The following DNAAF10 variants were observed in gnomAD, a reference collection of about 807,000 sequenced individuals.
The protein encoded by DNAAF10 is WD repeat domain 92.
DNAAF10 carries 28 observed loss-of-function variants against 43.7 expected under a neutral mutation model. The ratio of observed to expected loss-of-function variants is 0.64; its 90% CI spans 0.48 to 0.88. DNAAF10 has a LOEUF of 0.88. Among genes scored for constraint, DNAAF10 ranks in the 40% least tolerant of loss-of-function variants. The pLI is 0.00. For missense variants in DNAAF10, 403 were observed against 439.1 expected (o/e 0.92, Z 0.73); for synonymous variants, 156 against 157.3 (o/e 0.99, Z 0.06).
chr2:68,153,564 A>G (rs1023824435), intron 1 of DNAAF10, among the ~76,000 whole-genome samples: 1 of 152,032 alleles, frequency 6.6e-6, no homozygotes, highest in Non-Finnish European at 1.5e-5. Flanking sequence ...AAGTTGTACT[A>G]CTGTGTCAGA....
At chr2:68,134,466 C>T in intron 7 of DNAAF10, 1 of 1,291,250 alleles carries the variant, frequency 7.7e-7, no homozygotes, top group Non-Finnish European at 9.8e-7. Context: ...ACTTAGAAGA[C>T]ACAACTAAAA....
rs79872966 is a variant in DNAAF10, at chr2:68,137,179, A to C, written c.768+120T>G. 471 of 1,150,110 alleles carry C rather than the reference A, an allele frequency of 4.1e-4. 3 individuals are homozygous for C. In the East Asian group the frequency reaches 9.8e-3, roughly 24 times the overall value. The allele number at this position is 1,150,110 out of a possible 1,614,324, so 71.2% of individuals were successfully genotyped here. On this transcript the variant is annotated intron_variant, in intron 6 of 7. Transcript: ENST00000295121. ...AAACTTGTCAAGATCTCACAGGAAT[A>C]TATCAAAAATAGCTCCCTTCACATA...
intron 6 of DNAAF10, 123 bp downstream of exon 6, chr2:68,137,176 A>T: frequency 8.8e-7 from 1 of 1,133,080 alleles, no homozygotes. Context: ...ATCTCACAGG[A>T]ATATATCAAA....
At chr2:68,133,123 TAGA>T (rs757380827) in intron 7 of DNAAF10, among the ~76,000 whole-genome samples, 1 of 152,186 alleles carries the variant, frequency 6.6e-6, no homozygotes, top group African/African-American at 2.4e-5. Flanking sequence ...GCAGAGGTGC[TAGA>T]AGAAGGGAAA....
chr2:68,138,853 A>T lies in DNAAF10; in HGVS notation c.522T>A (p.Asn174Lys). 6.2e-7 allele frequency: 1 copy of T among 1,609,204 alleles called. No individual in the cohort carries two copies. The highest frequency in any genetic ancestry group is 8.5e-7 in the Non-Finnish European group (1 of 1,175,694). The change falls in exon 5 of 8, where the codon AAT (asparagine) becomes AAA (lysine). Residue 174 changes from asparagine to lysine, a missense_variant. By Grantham distance (94) the Asn-to-Lys change is moderately conservative. Coordinates refer to ENST00000295121, the MANE Select transcript of DNAAF10 (RefSeq NM_138458.4). ...KRDCWTVAFGNAYNQEERVVC... is the reference protein window; with the variant it reads ...KRDCWTVAFGKAYNQEERVVC... ...CAACACGTTCTTCTTGATTATAAGC[A>T]TTGCCTGGAAATCAAGATACAACAT...
intron 4 of DNAAF10, among the ~76,000 whole-genome samples, chr2:68,139,363 AC>A (rs1173514628): frequency 6.6e-6 from 1 of 152,252 alleles, no homozygotes; most frequent in African/African-American, 2.4e-5. Context: ...AGGAGCAGAT[AC>A]TGGCACCATG....
chr2:68,150,728 G>A (rs749042548), intron 1 of DNAAF10, among the ~76,000 whole-genome samples: 29 of 151,792 alleles, frequency 1.9e-4, no homozygotes, highest in Non-Finnish European at 3.4e-4. Context: ...GAGAGACTCC[G>A]TCTCAAAAAA....
intron 1 of DNAAF10, among the ~76,000 whole-genome samples, chr2:68,154,950 A>G (rs1206596019): frequency 6.6e-6 from 1 of 151,508 alleles, no homozygotes; most frequent in Non-Finnish European, 1.5e-5. Context: ...TTTTTTATAC[A>G]AAAAGTAGAG....
chr2:68,138,131 C>T (rs1215807001), intron 5 of DNAAF10, among the ~76,000 whole-genome samples: 5 of 148,028 alleles, frequency 3.4e-5, no homozygotes, highest in East Asian at 2.0e-4. Context: ...GCCAACATCG[C>T]GCCACTGCAC....
At position 68,141,930 on chromosome 2, in the gene DNAAF10, T is replaced by G. The variant is rs551273757; in HGVS notation, c.416-135A>C. The G allele has an allele frequency of 1.8e-4, 127 of 708,368 alleles. 1 individual carries two copies. In the South Asian group the frequency reaches 2.3e-3, roughly 13 times the overall value. The allele number at this position is 708,368 out of a possible 1,614,324, so 43.9% of individuals were successfully genotyped here. On this transcript the variant is annotated intron_variant, in intron 3 of 7. Transcript: ENST00000295121. ...ATGACATCTGAAAATATCCACATTG[T>G]TCTGACTTCTAATTGGGTAAGTTGT...
At chr2:68,134,608 C>G in intron 7 of DNAAF10, 94 bp downstream of exon 7, 1 of 1,559,080 alleles carries the variant, frequency 6.4e-7, no homozygotes, top group Non-Finnish European at 8.6e-7. Context: ...TGAACTAAGT[C>G]AAAGCAGGAA....
rs1158872156 is a variant in DNAAF10 at position 68,134,785 on chromosome 2, A to G, written c.783T>C (p.Thr261=). 1.9e-6 allele frequency: 3 copies of G among 1,613,332 alleles called. No individual in the cohort carries two copies. Among genetic ancestry groups the G allele is most frequent in the Non-Finnish European group, 2.5e-6 (3 of 1,179,868 alleles). Reference sequence around the variant, plus strand: ...GCGGCAGGTGTCGGACCTGCCACACAGTAGATTTATGAGCCTAAATAGAAC... The same window carrying G: ...GCGGCAGGTGTCGGACCTGCCACACGGTAGATTTATGAGCCTAAATAGAAC... ...ASVSEKAHKS[T]VWQVRHLPQN... The change falls in exon 7 of 8, where the codon ACT becomes ACC. Residue 261 remains threonine (T), a synonymous_variant. Transcript: ENST00000295121.
chr2:68,153,999 C>A (rs59459955), intron 1 of DNAAF10, among the ~76,000 whole-genome samples: 3,786 of 151,976 alleles, frequency 0.025, 144 homozygotes, highest in African/African-American at 0.083. Flanking sequence ...GTGATCCCCC[C>A]GCCTCGGCCT....
At chr2:68,133,380 C>T (rs1362570481) in intron 7 of DNAAF10, among the ~76,000 whole-genome samples, 2 of 151,900 alleles carry the variant, frequency 1.3e-5, no homozygotes, top group African/African-American at 2.4e-5. Context: ...GTAGCTGGGA[C>T]GTGTGCCACC....
intron 1 of DNAAF10, among the ~76,000 whole-genome samples, chr2:68,155,013 A>G (rs1673558105): frequency 6.6e-6 from 1 of 151,964 alleles, no homozygotes; most frequent in Non-Finnish European, 1.5e-5. Context: ...GGCTCAAGCA[A>G]TCCACCCCAC....
chr2:68,142,777 C>CAAA (rs11390122), intron 3 of DNAAF10, among the ~76,000 whole-genome samples: 1 of 136,414 alleles, frequency 7.3e-6, no homozygotes, highest in African/African-American at 2.6e-5. Context: ...AAGAAAAGGG[C>CAAA]AAAAAAAAAA....
At chr2:68,135,284 A>G (rs1043875725) in intron 6 of DNAAF10, among the ~76,000 whole-genome samples, 19 of 152,244 alleles carry the variant, frequency 1.2e-4, no homozygotes, top group African/African-American at 3.9e-4. Flanking sequence ...ACTAAAATTT[A>G]TAGACCGAAA....
intron 3 of DNAAF10, among the ~76,000 whole-genome samples, chr2:68,143,075 C>T (rs1673227934): frequency 6.6e-6 from 1 of 151,688 alleles, no homozygotes; most frequent in Admixed American, 6.6e-5. Flanking sequence ...TGGGGTCTCC[C>T]TATGTTGCCC....
chr2:68,143,609 T>C (rs1673243205), intron 3 of DNAAF10, among the ~76,000 whole-genome samples: 1 of 152,182 alleles, frequency 6.6e-6, no homozygotes, highest in Admixed American at 6.5e-5. Flanking sequence ...CAAAGGCTTA[T>C]AAGGGAATGG....
Sources: allele counts gnomAD v4.1 joint callset (sites outside exome capture counted in the v4.1 genomes callset), GRCh38; gene constraint gnomAD v4.1.1; transcripts MANE v1.5; gene names NCBI Gene and HGNC (gene_info 2026-07-23, HGNC 2026-07-21).